The following NTM variants were observed in gnomAD, a reference collection of about 807,000 sequenced individuals.
NTM encodes IgLON family member 2.
Under a neutral mutation model 42.1 loss-of-function variants are expected in NTM, and 13 were observed. The observed-to-expected ratio is 0.31, with a 90% CI of 0.20 to 0.49. The LOEUF (loss-of-function observed/expected upper bound fraction) is 0.49, where lower values mean the gene tolerates loss of function less well. Among genes scored for constraint, NTM ranks in the 20% least tolerant of loss-of-function variants. The probability of loss-of-function intolerance (pLI) is 0.99; values close to 1 mark genes in which losing one functional copy is unlikely to be tolerated. For missense variants in NTM, 373 were observed against 452.8 expected (o/e 0.82, Z 1.60); for synonymous variants, 187 against 179.2 (o/e 1.04, Z -0.35).
chr11:131,596,860 G>C (rs2059857146), intron 1 of NTM, among the ~76,000 whole-genome samples: 1 of 152,176 alleles, frequency 6.6e-6, no homozygotes, highest in African/African-American at 2.4e-5. Flanking sequence ...ACGATCACAA[G>C]GTCCCACAAT....
intron 2 of NTM, among the ~76,000 whole-genome samples, chr11:131,944,039 T>C (rs2134251006): frequency 6.6e-6 from 1 of 152,338 alleles, no homozygotes; most frequent in East Asian, 1.9e-4. Context: ...TTTCTGCTCA[T>C]AAACTTTTCT....
intron 1 of NTM, among the ~76,000 whole-genome samples, chr11:131,553,531 C>A (rs942958000): frequency 7.9e-5 from 12 of 152,144 alleles, no homozygotes; most frequent in African/African-American, 2.9e-4. Flanking sequence ...TCTCTTCCTG[C>A]TCCCAGGTGT....
In NTM at chr11:131,691,965, C is replaced by T. The variant is rs528872307; in HGVS notation, c.83-219599C>T. On this transcript the variant is annotated intron_variant, in intron 1 of 8. Transcript: ENST00000683400. Reference sequence around the variant, plus strand: ...TCGAGAAAAAAGAGGGAGCTGGACCCCCTCCTGGATGGGACTGCGGGCAGG... The same window carrying T: ...TCGAGAAAAAAGAGGGAGCTGGACCTCCTCCTGGATGGGACTGCGGGCAGG... Among the ~76,000 whole-genome samples the T allele has an allele frequency of 6.1e-4, 93 of 152,236 alleles. 1 individual carries two copies. The highest frequency in any genetic ancestry group is 2.2e-3 in the African/African-American group (90 of 41,546).
chr11:132,220,373 T>C (rs2084894024), intron 4 of NTM, among the ~76,000 whole-genome samples: 2 of 152,230 alleles, frequency 1.3e-5, no homozygotes, highest in Admixed American at 1.3e-4. Flanking sequence ...GTAAAATTAC[T>C]GCTAGATAGA....
intron 1 of NTM, among the ~76,000 whole-genome samples, chr11:131,735,835 G>GGTGT (rs398018112): frequency 0.029 from 3,557 of 121,304 alleles, 70 homozygotes; most frequent in East Asian, 0.11. Flanking sequence ...CCATTCATAA[G>GGTGT]GTGTGTGTGT....
chr11:131,609,284 C>T (rs2061277746), intron 1 of NTM, among the ~76,000 whole-genome samples: 1 of 152,176 alleles, frequency 6.6e-6, no homozygotes, highest in Non-Finnish European at 1.5e-5. Flanking sequence ...GCCTGGGTTG[C>T]TTGAGATGGT....
chr11:131,557,683 G>C (rs2055632074), intron 1 of NTM, among the ~76,000 whole-genome samples: 1 of 139,754 alleles, frequency 7.2e-6, no homozygotes, highest in Non-Finnish European at 1.5e-5. Context: ...AGGCACTGTT[G>C]TTGATCCTAT....
chr11:132,292,786 G>GGA (rs2094490382), intron 4 of NTM, among the ~76,000 whole-genome samples: 1 of 17,716 alleles, frequency 5.6e-5, no homozygotes, highest in Non-Finnish European at 1.3e-4. Context: ...GGATGTAAAA[G>GGA]TAAAAAAAAA....
intron 4 of NTM, among the ~76,000 whole-genome samples, chr11:132,231,847 C>T (rs1463741537): frequency 8.1e-6 from 1 of 123,788 alleles, no homozygotes; most frequent in Non-Finnish European, 1.7e-5. Flanking sequence ...CAAGATGCTG[C>T]TGGCCTCATT....
chr11:131,627,569 T>C (rs946061037), intron 1 of NTM, among the ~76,000 whole-genome samples: 2 of 152,092 alleles, frequency 1.3e-5, no homozygotes, highest in African/African-American at 2.4e-5. Flanking sequence ...AGGTGGCTCA[T>C]GCCTATAATC....
At chr11:131,451,547 C>A (rs1333842321) in intron 1 of NTM, among the ~76,000 whole-genome samples, 1 of 152,120 alleles carries the variant, frequency 6.6e-6, no homozygotes, top group Non-Finnish European at 1.5e-5. Context: ...GGGAAGCCTT[C>A]CCAGGCCAGA....
At chr11:131,447,196 A>G (rs1950125138) in intron 1 of NTM, among the ~76,000 whole-genome samples, 1 of 152,160 alleles carries the variant, frequency 6.6e-6, no homozygotes, top group Non-Finnish European at 1.5e-5. Flanking sequence ...ATAGAACCAC[A>G]TGGTTTTGCG....
At chr11:131,598,866 T>C (rs1391434984) in intron 1 of NTM, among the ~76,000 whole-genome samples, 1 of 47,674 alleles carries the variant, frequency 2.1e-5, no homozygotes, top group African/African-American at 5.2e-5. Flanking sequence ...CCTTCCTTCC[T>C]TCCTTCCTTC....
chr11:132,241,235 A>G (rs1254062251), intron 4 of NTM, among the ~76,000 whole-genome samples: 1 of 152,214 alleles, frequency 6.6e-6, no homozygotes, highest in Non-Finnish European at 1.5e-5. Flanking sequence ...TGTATTAGAA[A>G]AATTAAGAAA....
At chr11:132,286,344 G>T (rs1045652228) in intron 4 of NTM, among the ~76,000 whole-genome samples, 1 of 152,156 alleles carries the variant, frequency 6.6e-6, no homozygotes, top group African/African-American at 2.4e-5. Flanking sequence ...CAGGAGAACA[G>T]TTTAAAAATA....
intron 1 of NTM, among the ~76,000 whole-genome samples, chr11:131,889,135 C>A (rs927490359): frequency 2.0e-5 from 3 of 152,148 alleles, no homozygotes; most frequent in African/African-American, 7.2e-5. Flanking sequence ...AATGATGGTT[C>A]ATCTCCCAAA....
chr11:132,216,038 T>A (rs1202192262), intron 4 of NTM, among the ~76,000 whole-genome samples: 1 of 152,242 alleles, frequency 6.6e-6, no homozygotes, highest in Non-Finnish European at 1.5e-5. Context: ...CTGTGCCTGG[T>A]GTCATGACTC....
chr11:132,043,195 T>G (rs1185704220), intron 2 of NTM, among the ~76,000 whole-genome samples: 1 of 152,054 alleles, frequency 6.6e-6, no homozygotes, highest in Non-Finnish European at 1.5e-5. Context: ...ACATTCTTGC[T>G]ACTGCTTAGC....
chr11:131,781,888 G>A (rs2088209547), intron 1 of NTM, among the ~76,000 whole-genome samples: 1 of 152,162 alleles, frequency 6.6e-6, no homozygotes, highest in Non-Finnish European at 1.5e-5. Flanking sequence ...TGCAGAAGGA[G>A]GTATAAAGGA....
Sources: gnomAD v4.1 joint callset for allele counts (sites outside exome capture counted in the v4.1 genomes callset) on GRCh38, gnomAD v4.1.1 for gene constraint, MANE v1.5 for transcripts, NCBI Gene and HGNC (gene_info 2026-07-23, HGNC 2026-07-21) for gene names.